Variants in MAPK8IP3 observed in about 807,000 individuals in gnomAD.
MAPK8IP3 encodes the protein mitogen-activated protein kinase 8 interacting protein 3, also known as C-Jun-amino-terminal kinase-interacting protein 3.
MAPK8IP3 carries 49 observed loss-of-function variants against 157.8 expected under a neutral mutation model. The ratio of observed to expected loss-of-function variants is 0.31; its 90% CI spans 0.25 to 0.39. The LOEUF (loss-of-function observed/expected upper bound fraction) is 0.39. MAPK8IP3 is among the 10% of genes least tolerant of loss of function. The probability of loss-of-function intolerance (pLI) is 1.00; values close to 1 mark genes in which losing one functional copy is unlikely to be tolerated. For synonymous variants in MAPK8IP3, 897 were observed against 777.7 expected (o/e 1.15, Z -2.55); for missense variants, 1,478 against 1,889.4 (o/e 0.78, Z 4.04).
At chr16:1,736,083 AGT>A (rs1442300419) in intron 4 of MAPK8IP3, among the ~76,000 whole-genome samples, 2 of 58,444 alleles carry the variant, frequency 3.4e-5, no homozygotes, top group African/African-American at 1.5e-4. Flanking sequence ...TCCGTGTGAG[AGT>A]GTGACCGTCC....
Position 1,765,102 on chromosome 16 carries a change from C to T in MAPK8IP3, c.2370C>T (p.Asp790=), listed in dbSNP as rs914509522. The T allele has an allele frequency of 6.8e-6, 11 of 1,612,502 alleles. No individual in the cohort carries two copies. The highest frequency in any genetic ancestry group is 5.3e-5 in the African/African-American group (4 of 74,936). ...TLTTSKVVII[D]ANQPGTVVDQ... is the part of the protein sequence containing the mutation. ...CCACCAGCAAGGTGGTGATCATCGA[C>T]GCCAACCAGCCGGGCACGGTGGTGG... The change falls in exon 20 of 32, where the codon GAC becomes GAT. Residue 790 remains aspartate (D), a synonymous_variant. Transcript: ENST00000610761.
Position 1,724,636 on chromosome 16 carries a change from C to A in MAPK8IP3, c.398C>A (p.Thr133Lys). 6.2e-7 allele frequency: 1 copy of A among 1,613,638 alleles called. No homozygotes were observed. The highest frequency in any genetic ancestry group is 8.5e-7 in the Non-Finnish European group (1 of 1,179,980). The change falls in exon 2 of 32, where the codon ACG (threonine) becomes AAG (lysine). Residue 133 changes from threonine (T) to lysine (K), a missense_variant. By Grantham distance (78) the Thr-to-Lys change is moderately conservative (BLOSUM62 -1). This residue lies in a region of MAPK8IP3 where 65 missense variants were observed against 161.8 expected (regional missense o/e 0.40). Transcript: ENST00000610761. The surrounding 1 kb of genome is among the most constrained non-coding windows in gnomAD (Gnocchi z 4.1). ...CAGGTGGAGCACTACGAGTTCCAGA[C>A]GCGCCAGCTGGAGCTGAAGGCCAAG... ...QIQVEHYEFQ[T>K]RQLELKAKNY...
intron 1 of MAPK8IP3, among the ~76,000 whole-genome samples, chr16:1,718,013 G>A (rs1013300911): frequency 1.3e-5 from 2 of 151,560 alleles, no homozygotes; most frequent in South Asian, 2.1e-4. Flanking sequence ...CACCACACCC[G>A]GCTAATCTTT....
At chr16:1,711,684 G>T (rs1012190457) in intron 1 of MAPK8IP3, among the ~76,000 whole-genome samples, 2 of 152,144 alleles carry the variant, frequency 1.3e-5, no homozygotes, top group Admixed American at 1.3e-4. Context: ...GCTCACGCCC[G>T]TAATCCCAAC....
At chr16:1,748,372 G>A in intron 7 of MAPK8IP3, 26 bp downstream of exon 7, 2 of 1,577,844 alleles carry the variant, frequency 1.3e-6, no homozygotes, top group Non-Finnish European at 1.7e-6. Flanking sequence ...AGGCCCTGGG[G>A]TCCTGGGGGC....
chr16:1,711,679 C>T (rs2037778273), intron 1 of MAPK8IP3, among the ~76,000 whole-genome samples: 2 of 152,176 alleles, frequency 1.3e-5, no homozygotes, highest in East Asian at 1.9e-4. Flanking sequence ...CAGTGGCTCA[C>T]GCCCGTAATC....
At position 1,743,551 on chromosome 16, in the gene MAPK8IP3, C is replaced by G; in HGVS notation, c.747+75C>G. 1 of 1,547,384 alleles carries G rather than the reference C, an allele frequency of 6.5e-7. No individual in the cohort carries two copies. Among genetic ancestry groups the G allele is most frequent in the South Asian group, 1.2e-5 (1 of 84,116 alleles). On this transcript the variant is annotated intron_variant, in intron 5 of 31. Transcript: ENST00000610761. The surrounding 1 kb of genome is among the most constrained non-coding windows in gnomAD (Gnocchi z 5.6). ...TCCCCGTTCACTGGGGCGGGAGCCT[C>G]GTCTGCAGGCAGCCCTTCACGGCTC...
chr16:1,737,504 G>A (rs1442351767), intron 4 of MAPK8IP3, among the ~76,000 whole-genome samples: 1 of 106,996 alleles, frequency 9.3e-6, no homozygotes, highest in Non-Finnish European at 2.0e-5. Flanking sequence ...GCGTCCGTGT[G>A]AGCGTGTGAC....
chr16:1,734,532 G>C (rs557329341), intron 4 of MAPK8IP3, among the ~76,000 whole-genome samples: 17 of 152,358 alleles, frequency 1.1e-4, no homozygotes, highest in African/African-American at 4.1e-4. Context: ...TTGTGCCTCT[G>C]AAGGCATGAG....
Position 1,743,300 on chromosome 16 carries a change from A to G in MAPK8IP3, c.603-32A>G. The G allele has an allele frequency of 4.6e-6, 7 of 1,526,000 alleles. No individual in the cohort carries two copies. The highest frequency in any genetic ancestry group is 5.2e-6 in the Non-Finnish European group (6 of 1,144,564). 94.5% of individuals were successfully genotyped at this position (1,526,000 alleles called of 1,614,324 possible). ...AAATCTTCACGGCCACCCTCTAACC[A>G]TCGCTTCCTCTCCTCTCGCCCCCCA... On this transcript the variant is annotated intron_variant, in intron 4 of 31. Coordinates refer to ENST00000610761, the MANE Select transcript of MAPK8IP3 (RefSeq NM_001318852.2). This position sits in a 1 kb window ranked among gnomAD's most constrained non-coding sequence, Gnocchi z 5.6.
At chr16:1,730,114 A>T (rs1369880564) in intron 4 of MAPK8IP3, among the ~76,000 whole-genome samples, 1 of 151,416 alleles carries the variant, frequency 6.6e-6, no homozygotes, top group African/African-American at 2.4e-5. Context: ...CACTTCTAGG[A>T]CATACTGCCT....
intron 1 of MAPK8IP3, among the ~76,000 whole-genome samples, chr16:1,718,785 CA>C (rs985470020): frequency 2.3e-3 from 288 of 125,388 alleles, no homozygotes; most frequent in Admixed American, 2.6e-3. Flanking sequence ...AGAACCATCT[CA>C]AAAAAAAAAA....
chr16:1,766,637 C>A lies in MAPK8IP3; in HGVS notation c.2928C>A (p.Ala976=). ...SSAAPTMWLG[A]QNGWLYVHSA... ...CTGCACCCACCATGTGGCTGGGAGC[C>A]CAGAACGGCTGGTAGGAAGGGCCCG... The change falls in exon 23 of 32, where the codon GCC becomes GCA. Residue 976 remains alanine, a synonymous_variant. Transcript: ENST00000610761. 6.2e-7 allele frequency: 1 copy of A among 1,612,432 alleles called. No homozygotes were observed. Among genetic ancestry groups the A allele is most frequent in the Non-Finnish European group, 8.5e-7 (1 of 1,179,818 alleles).
chr16:1,712,964 T>C (rs547204598), intron 1 of MAPK8IP3, among the ~76,000 whole-genome samples: 12 of 152,366 alleles, frequency 7.9e-5, no homozygotes, highest in South Asian at 2.1e-4. Context: ...CTTTGGTTCA[T>C]TCAGCCTGAG....
intron 6 of MAPK8IP3, 69 bp from the exon 7 acceptor site, chr16:1,748,175 G>A (rs2041084119): frequency 5.8e-6 from 7 of 1,203,494 alleles, no homozygotes; most frequent in African/African-American, 1.5e-5. Context: ...GGTTCCGAGG[G>A]CAGCCGTGAG....
chr16:1,759,743 C>T (rs2041826692), intron 10 of MAPK8IP3, among the ~76,000 whole-genome samples: 1 of 152,218 alleles, frequency 6.6e-6, no homozygotes, highest in Admixed American at 6.5e-5. Context: ...ATTGGTCGGA[C>T]ATGAGAACCA....
chr16:1,764,132 C>A lies in MAPK8IP3; in HGVS notation c.2043C>A (p.Gly681=), dbSNP rs2042116798. The A allele has an allele frequency of 6.2e-7, 1 of 1,610,284 alleles. No homozygotes were observed. The highest frequency in any genetic ancestry group is 1.1e-5 in the South Asian group (1 of 90,880). ...CCCTGCAGCTGAGTCCCAACGGGGG[C>A]CAGGAGGACACGCGGATGAAGAACG... The part of the protein sequence containing the change: ...AKYKQLSPNG[G]QEDTRMKNVP... Residue 681 remains glycine, a synonymous_variant, in exon 18 of 32, where the codon GGC becomes GGA. Coordinates refer to ENST00000610761, the MANE Select transcript of MAPK8IP3 (RefSeq NM_001318852.2).
At position 1,765,073 on chromosome 16, in the gene MAPK8IP3, C is replaced by G; in HGVS notation, c.2341C>G (p.Leu781Val). ...SSRVWILTST[L>V]TTSKVVIIDA... ...CCGGGTGTGGATCCTGACCAGCACC[C>G]TGACCACCAGCAAGGTGGTGATCAT... The change falls in exon 20 of 32, where the codon CTG becomes GTG. Residue 781 changes from leucine (L) to valine (V), a missense_variant. Transcript: ENST00000610761. The G allele has an allele frequency of 6.2e-7, 1 of 1,612,582 alleles. No homozygotes were observed. Among genetic ancestry groups the G allele is most frequent in the Non-Finnish European group, 8.5e-7 (1 of 1,179,792 alleles).
Position 1,767,310 on chromosome 16 carries a change from C to T in MAPK8IP3, c.3237+13C>T. The T allele has an allele frequency of 6.2e-7, 1 of 1,612,546 alleles. No individual in the cohort carries two copies. The highest frequency in any genetic ancestry group is 1.3e-5 in the African/African-American group (1 of 75,060). ...CATGCAGATAGAGGCGAGTGCCGGC[C>T]AGGGCCCCGGGGAGGGGAAGAGGCT... On this transcript the variant is annotated intron_variant, in intron 26 of 31. Transcript: ENST00000610761.
Sources: gnomAD v4.1 joint callset for allele counts (sites outside exome capture counted in the v4.1 genomes callset) on GRCh38, gnomAD v4.1.1 for gene constraint, gnomAD v4.1.1 regional missense constraint, Gnocchi (gnomAD v3.1) non-coding constraint, MANE v1.5 for transcripts, NCBI Gene and HGNC (gene_info 2026-07-23, HGNC 2026-07-21) for gene names.